NCOA7: variants seen among roughly 807,000 people sequenced by gnomAD.
The protein encoded by NCOA7 is nuclear receptor coactivator 7, also known as 140 kDa estrogen receptor-associated protein.
NCOA7 carries 45 observed loss-of-function variants against 104.3 expected under a neutral mutation model. The ratio of observed to expected loss-of-function variants is 0.43; its 90% CI spans 0.34 to 0.55. NCOA7 has a LOEUF of 0.55. Among genes scored for constraint, NCOA7 ranks in the 20% least tolerant of loss-of-function variants. The pLI is 0.02. For synonymous variants in NCOA7, 398 were observed against 402.3 expected (o/e 0.99, Z 0.13); for missense variants, 1,041 against 1,119.7 (o/e 0.93, Z 1.00).
intron 1 of NCOA7, among the ~76,000 whole-genome samples, chr6:125,802,057 A>G (rs550515106): frequency 6.6e-6 from 1 of 152,344 alleles, no homozygotes; most frequent in East Asian, 1.9e-4. Flanking sequence ...CAACTGGAAG[A>G]AAATGAAGCC....
intron 2 of NCOA7, among the ~76,000 whole-genome samples, chr6:125,833,612 CAG>C (rs1779371242): frequency 2.0e-5 from 1 of 50,666 alleles, no homozygotes; most frequent in Non-Finnish European, 4.2e-5. Flanking sequence ...GGGGGAGGGA[CAG>C]GGGGAGGGAA....
At chr6:125,831,362 T>A (rs957550017) in intron 2 of NCOA7, among the ~76,000 whole-genome samples, 1 of 152,342 alleles carries the variant, frequency 6.6e-6, no homozygotes, top group Non-Finnish European at 1.5e-5. Context: ...AAGTCAATAA[T>A]TTATCTTCAG....
intron 5 of NCOA7, among the ~76,000 whole-genome samples, chr6:125,880,838 T>G (rs1478148486): frequency 6.6e-6 from 1 of 152,026 alleles, no homozygotes; most frequent in Non-Finnish European, 1.5e-5. Context: ...GGCCTTGCTC[T>G]CCCTTTCTTT....
chr6:125,856,418 TCTCGG>T (rs1395981153), intron 3 of NCOA7, among the ~76,000 whole-genome samples: 3 of 152,118 alleles, frequency 2.0e-5, no homozygotes, highest in African/African-American at 7.2e-5. Flanking sequence ...AGTGGCGCGA[TCTCGG>T]CTCACTGTAA....
At chr6:125,808,708 T>C (rs1248076779) in intron 1 of NCOA7, among the ~76,000 whole-genome samples, 4 of 152,238 alleles carry the variant, frequency 2.6e-5, no homozygotes, top group Admixed American at 2.0e-4. Flanking sequence ...TTGTCTGTTT[T>C]CAGGCTTCTG....
At chr6:125,833,624 A>C in intron 2 of NCOA7, among the ~76,000 whole-genome samples, 1 of 151,574 alleles carries the variant, frequency 6.6e-6, no homozygotes, top group Non-Finnish European at 1.5e-5. Context: ...GGGGGAGGGA[A>C]TAAATGAGGC....
intron 2 of NCOA7, among the ~76,000 whole-genome samples, chr6:125,836,767 T>C (rs1365237391): frequency 6.6e-6 from 1 of 152,138 alleles, no homozygotes; most frequent in Non-Finnish European, 1.5e-5. Flanking sequence ...CTATGAGAAA[T>C]TACCTTGCCT....
chr6:125,879,668 T>G (rs1478200800), intron 5 of NCOA7, among the ~76,000 whole-genome samples: 3 of 152,214 alleles, frequency 2.0e-5, no homozygotes, highest in Non-Finnish European at 4.4e-5. Flanking sequence ...TGATTAGCTC[T>G]GAATTCTGTT....
At chr6:125,856,262 T>C (rs543589191) in intron 3 of NCOA7, among the ~76,000 whole-genome samples, 9 of 152,176 alleles carry the variant, frequency 5.9e-5, no homozygotes, top group Admixed American at 3.9e-4. Context: ...AGCAGAGAAA[T>C]GACACTCGTT....
intron 10 of NCOA7, among the ~76,000 whole-genome samples, chr6:125,902,506 T>G: frequency 1.3e-5 from 2 of 151,094 alleles, no homozygotes. Context: ...AAAGTGGGGA[T>G]GGAAGGGAAG....
At chr6:125,782,024 T>C (rs965798057) in intron 1 of NCOA7, among the ~76,000 whole-genome samples, 3 of 152,096 alleles carry the variant, frequency 2.0e-5, no homozygotes, top group African/African-American at 7.2e-5. Flanking sequence ...GAATAGATGT[T>C]CTGTAAATGC....
At chr6:125,921,959 G>A (rs1007655765) in intron 12 of NCOA7, among the ~76,000 whole-genome samples, 2 of 152,142 alleles carry the variant, frequency 1.3e-5, no homozygotes, top group African/African-American at 4.8e-5. Context: ...GAATTTTAGA[G>A]ACCTTAAATA....
At position 125,852,884 on chromosome 6, in the gene NCOA7, T is replaced by A. The variant is rs111744866; in HGVS notation, c.51-2136T>A. On this transcript the variant is annotated intron_variant, in intron 2 of 15. Transcript: ENST00000392477. ...GTGATGCCTTCAGATTTATTCTTTT[T>A]GCTTAGGATTTCTTTGGCTATTTGG... Among the ~76,000 whole-genome samples, 886 of 152,338 alleles carry A rather than the reference T, an allele frequency of 5.8e-3. 7 individuals are homozygous for A. Among genetic ancestry groups the A allele is most frequent in the African/African-American group, 0.02 (826 of 41,580 alleles).
Position 125,863,702 on chromosome 6 carries a change from A to G in NCOA7, c.271+8462A>G, listed in dbSNP as rs1448182510. On this transcript the variant is annotated intron_variant, in intron 3 of 15. Transcript: ENST00000392477. ...TAAATAACAGAAATGTATTTCTCAC[A>G]GTTCTGGAGGCTGGAAAGTCCAAGA... is the stretch of plus-strand genomic sequence containing the variant. 3.6e-5 allele frequency among the ~76,000 whole-genome samples: 5 copies of G among 138,228 alleles called. 2 individuals carry two copies. The highest frequency in any genetic ancestry group is 7.7e-5 in the Non-Finnish European group (5 of 64,964). The allele number at this position is 138,228 out of a possible 152,430, so 90.7% of individuals were successfully genotyped here. A position where few individuals can be genotyped will look rare whatever the true frequency, so the allele number is the denominator to read the frequency against.
At chr6:125,828,374 T>C (rs1046830161) in intron 2 of NCOA7, among the ~76,000 whole-genome samples, 1 of 152,200 alleles carries the variant, frequency 6.6e-6, no homozygotes, top group Non-Finnish European at 1.5e-5. Flanking sequence ...TGATAATTGA[T>C]TGGATAAAAG....
At chr6:125,815,241 G>C (rs554381510) in intron 1 of NCOA7, 50 bp from the exon 2 acceptor site, 1 of 646,750 alleles carries the variant, frequency 1.5e-6, no homozygotes, top group African/African-American at 1.9e-5. Context: ...TTTCACATTG[G>C]CCAGTGTAAA....
intron 2 of NCOA7, among the ~76,000 whole-genome samples, chr6:125,833,362 G>A (rs1360485626): frequency 6.6e-6 from 1 of 152,090 alleles, no homozygotes; most frequent in African/African-American, 2.4e-5. Context: ...TGAGGTAGGT[G>A]CATTACTTGA....
chr6:125,796,150 T>C (rs1285517875), intron 1 of NCOA7, among the ~76,000 whole-genome samples: 1 of 152,128 alleles, frequency 6.6e-6, no homozygotes, highest in Non-Finnish European at 1.5e-5. Flanking sequence ...GTGTCCCAAG[T>C]AGGCTTCCAT....
chr6:125,923,462 G>A (rs372087338), intron 13 of NCOA7, among the ~76,000 whole-genome samples: 24 of 152,170 alleles, frequency 1.6e-4, no homozygotes, highest in African/African-American at 5.3e-4. Flanking sequence ...ATCTCTTCCC[G>A]TAAGTCAGCT....
Sources: allele counts gnomAD v4.1 joint callset (sites outside exome capture counted in the v4.1 genomes callset), GRCh38; gene constraint gnomAD v4.1.1; transcripts MANE v1.5; gene names NCBI Gene and HGNC (gene_info 2026-07-23, HGNC 2026-07-21).